The following GRM8 variants were observed in gnomAD, a reference collection of about 807,000 sequenced individuals.
GRM8 encodes metabotropic glutamate receptor 8.
GRM8 carries 47 observed loss-of-function variants against 87.2 expected under a neutral mutation model. The ratio of observed to expected loss-of-function variants is 0.54; its 90% CI spans 0.43 to 0.69. The LOEUF (loss-of-function observed/expected upper bound fraction) is 0.69. Among genes scored for constraint, GRM8 ranks in the 30% least tolerant of loss-of-function variants. The probability of loss-of-function intolerance (pLI) is 0.00; values close to 1 mark genes in which losing one functional copy is unlikely to be tolerated. For synonymous variants in GRM8, 396 were observed against 404.5 expected, an observed-to-expected ratio of 0.98 and a Z score of 0.25; for missense variants, 1,019 against 1,139.2, an observed-to-expected ratio of 0.89 and a Z score of 1.52.
chr7:127,031,365 C>T (rs916053541), intron 3 of GRM8, among the ~76,000 whole-genome samples: 1 of 151,972 alleles, frequency 6.6e-6, no homozygotes, highest in Non-Finnish European at 1.5e-5. Context: ...CCTATTTATA[C>T]TATTTTTTTA....
At chr7:126,697,482 T>G (rs991971275) in intron 7 of GRM8, among the ~76,000 whole-genome samples, 6 of 152,164 alleles carry the variant, frequency 3.9e-5, no homozygotes, top group African/African-American at 1.4e-4. Context: ...TCACTAAATA[T>G]ATATGTAATA....
intron 8 of GRM8, among the ~76,000 whole-genome samples, chr7:126,556,667 T>C (rs1449859188): frequency 6.6e-6 from 1 of 151,974 alleles, no homozygotes; most frequent in Non-Finnish European, 1.5e-5. Flanking sequence ...AAAAAATGTG[T>C]CCACAATTTT....
intron 2 of GRM8, among the ~76,000 whole-genome samples, chr7:127,162,113 G>T (rs1311215145): frequency 6.6e-6 from 1 of 152,152 alleles, no homozygotes; most frequent in Non-Finnish European, 1.5e-5. Flanking sequence ...TATAGCATTT[G>T]TAAGATCCTC....
chr7:126,828,826 C>T (rs1795072949), intron 6 of GRM8, among the ~76,000 whole-genome samples: 1 of 152,004 alleles, frequency 6.6e-6, no homozygotes, highest in African/African-American at 2.4e-5. Flanking sequence ...AGTGCTTTCT[C>T]TTGTGGGCAT....
intron 3 of GRM8, among the ~76,000 whole-genome samples, chr7:126,917,150 G>GT (rs1036039715): frequency 6.6e-6 from 1 of 152,002 alleles, no homozygotes; most frequent in African/African-American, 2.4e-5. Flanking sequence ...TAATATTTTT[G>GT]TTTTTTGTGG....
At chr7:127,141,824 G>A (rs1828287976) in intron 2 of GRM8, among the ~76,000 whole-genome samples, 1 of 152,118 alleles carries the variant, frequency 6.6e-6, no homozygotes, top group Admixed American at 6.5e-5. Flanking sequence ...ATCCAAACCA[G>A]CTCAGGCACA....
intron 3 of GRM8, among the ~76,000 whole-genome samples, chr7:127,003,757 A>T (rs537834553): frequency 2.0e-5 from 3 of 151,744 alleles, no homozygotes; most frequent in Non-Finnish European, 4.4e-5. Flanking sequence ...AGCATGAGCC[A>T]GCATGGGTCA....
intron 2 of GRM8, among the ~76,000 whole-genome samples, chr7:127,130,790 A>ATGC (rs995613945): frequency 6.6e-6 from 1 of 152,068 alleles, no homozygotes; most frequent in Non-Finnish European, 1.5e-5. Flanking sequence ...AGTTTCCCAC[A>ATGC]TGCTGTTTTT....
At chr7:127,016,227 T>C (rs1199643482) in intron 3 of GRM8, among the ~76,000 whole-genome samples, 1 of 152,082 alleles carries the variant, frequency 6.6e-6, no homozygotes, top group Non-Finnish European at 1.5e-5. Context: ...AATAGAATCG[T>C]GGTCTCTGAT....
At position 126,613,739 on chromosome 7, in the gene GRM8, C is replaced by A. The variant is rs148396530; in HGVS notation, c.1358-4241G>T. Among the ~76,000 whole-genome samples, 1,163 of 152,340 alleles carry A rather than the reference C, an allele frequency of 7.6e-3. 6 individuals carry two copies. The highest frequency in any genetic ancestry group is 0.025 in the African/African-American group (1,043 of 41,580). The stretch of plus-strand genomic sequence containing the variant: ...CACACCAGGAGATTATATCCCACAC[C>A]TGGCTCAGAGGGTCCCATGCCCACG... On this transcript the variant is annotated intron_variant, in intron 7 of 10. Coordinates refer to ENST00000339582, the MANE Select transcript of GRM8 (RefSeq NM_000845.3).
At chr7:126,802,569 A>T (rs1169936314) in intron 6 of GRM8, among the ~76,000 whole-genome samples, 1 of 152,212 alleles carries the variant, frequency 6.6e-6, no homozygotes, top group African/African-American at 2.4e-5. Flanking sequence ...TTGAAATAAC[A>T]TAGTTGAGCC....
At chr7:126,899,104 A>AGTGTGTGTGT (rs71177573) in intron 6 of GRM8, among the ~76,000 whole-genome samples, 6,222 of 140,298 alleles carry the variant, frequency 0.044, 196 homozygotes, top group African/African-American at 0.078. Flanking sequence ...ACTGGTTAAC[A>AGTGTGTGTGT]GTGTGTGTGT....
chr7:127,032,639 A>G (rs1817486894), intron 3 of GRM8, among the ~76,000 whole-genome samples: 1 of 152,150 alleles, frequency 6.6e-6, no homozygotes, highest in African/African-American at 2.4e-5. Flanking sequence ...TAAATAGCCC[A>G]AATCTTTAAC....
intron 10 of GRM8, 157 bp downstream of exon 10, chr7:126,445,969 G>C: frequency 1.2e-6 from 1 of 833,352 alleles, no homozygotes; most frequent in East Asian, 2.5e-5. Flanking sequence ...CATTTGCTTC[G>C]AATGGTTTTA....
intron 9 of GRM8, among the ~76,000 whole-genome samples, chr7:126,484,510 G>A (rs1364166393): frequency 6.6e-6 from 1 of 152,004 alleles, no homozygotes; most frequent in Middle Eastern, 3.2e-3. Context: ...TTTAAAGTTA[G>A]TCATTGCAGG....
At chr7:126,706,083 T>C (rs1810480943) in intron 7 of GRM8, among the ~76,000 whole-genome samples, 1 of 152,004 alleles carries the variant, frequency 6.6e-6, no homozygotes, top group African/African-American at 2.4e-5. Context: ...TCATGGAAAA[T>C]TTATTTAGTA....
intron 7 of GRM8, among the ~76,000 whole-genome samples, chr7:126,640,834 T>C (rs569346948): frequency 1.3e-5 from 2 of 152,106 alleles, no homozygotes; most frequent in African/African-American, 4.8e-5. Context: ...GGAAAGCTCA[T>C]GAGAAGAGCG....
intron 6 of GRM8, among the ~76,000 whole-genome samples, chr7:126,817,808 G>A (rs963535627): frequency 4.6e-5 from 7 of 152,144 alleles, no homozygotes; most frequent in Admixed American, 2.0e-4. Flanking sequence ...ACTGAGGTAA[G>A]TAAAATGTCC....
rs550378317 is a variant in GRM8 at position 127,252,856 on chromosome 7, GCGCCGCCGC to G, written c.-380_-372del. On this transcript the variant is annotated 5_prime_UTR_variant, in exon 1 of 11. Coordinates refer to ENST00000339582, the MANE Select transcript of GRM8 (RefSeq NM_000845.3). The surrounding 1 kb of genome is among the most constrained non-coding windows in gnomAD (Gnocchi z 4.9). ...GCCGGGGGCCCGCAGCTCCATGTCA[GCGCCGCCGC>G]CGCCGCCGCCGCCGCCGCGTGAGGC... is the stretch of plus-strand genomic sequence containing the variant. The G allele has an allele frequency of 1.6e-4, 34 of 218,114 alleles. No individual in the cohort carries two copies. The highest frequency in any genetic ancestry group is 2.6e-4 in the South Asian group (4 of 15,328). 13.5% of individuals were successfully genotyped at this position (218,114 alleles called of 1,614,324 possible).
Sources: gnomAD v4.1 joint callset for allele counts (sites outside exome capture counted in the v4.1 genomes callset) on GRCh38, gnomAD v4.1.1 for gene constraint, Gnocchi (gnomAD v3.1) non-coding constraint, MANE v1.5 for transcripts, NCBI Gene and HGNC (gene_info 2026-07-23, HGNC 2026-07-21) for gene names.